ADGRL3: variants seen among roughly 807,000 people sequenced by gnomAD.
The protein encoded by ADGRL3 is adhesion G protein-coupled receptor L3.
ADGRL3 carries 62 observed loss-of-function variants against 153.5 expected under a neutral mutation model. The observed-to-expected ratio is 0.40, with a 90% CI of 0.33 to 0.50. ADGRL3 has a LOEUF of 0.50. ADGRL3 is among the 20% of genes least tolerant of loss of function. ADGRL3 has a pLI of 0.47. For missense variants in ADGRL3, 1,641 were observed against 1,859.4 expected (o/e 0.88, Z 2.16); for synonymous variants, 710 against 672.5 (o/e 1.06, Z -0.86).
intron 1 of ADGRL3, among the ~76,000 whole-genome samples, chr4:61,237,037 C>T (rs1753119976): frequency 6.6e-6 from 1 of 152,040 alleles, no homozygotes; most frequent in African/African-American, 2.4e-5. Context: ...TTTATTTACT[C>T]CTTCACAGTG....
rs1235845931 is a variant in ADGRL3 at position 62,077,226 on chromosome 4, A to G, written c.*6318A>G. On this transcript the variant is annotated 3_prime_UTR_variant, in exon 27 of 27. Transcript: ENST00000683033. The stretch of plus-strand genomic sequence containing the variant: ...GCAGACTTCTAACTATTTAATTTAA[A>G]CATTGCCATTCAGATTGAATAATTT... 2 of 151,936 alleles carry G rather than the reference A, an allele frequency of 1.3e-5. No individual in the cohort carries two copies. Among genetic ancestry groups the G allele is most frequent in the African/African-American group, 4.8e-5 (2 of 41,424 alleles). The allele number at this position is 151,936 out of a possible 1,614,324, so 9.4% of individuals were successfully genotyped here. A position where few individuals can be genotyped will look rare whatever the true frequency, so the allele number is the denominator to read the frequency against.
intron 3 of ADGRL3, among the ~76,000 whole-genome samples, chr4:61,507,948 A>C (rs1007352417): frequency 5.9e-5 from 9 of 152,220 alleles, no homozygotes; most frequent in Non-Finnish European, 1.0e-4. Flanking sequence ...CTGAAAGTAT[A>C]GTTGCCATAC....
At chr4:61,297,355 T>A (rs1004780685) in intron 1 of ADGRL3, among the ~76,000 whole-genome samples, 1 of 152,170 alleles carries the variant, frequency 6.6e-6, no homozygotes, top group African/African-American at 2.4e-5. Context: ...TTAGTTTGCA[T>A]GTGCCTCATA....
intron 1 of ADGRL3, among the ~76,000 whole-genome samples, chr4:61,262,718 T>C (rs753656354): frequency 1.3e-5 from 2 of 152,142 alleles, no homozygotes; most frequent in South Asian, 2.1e-4. Context: ...TGAGGACTTA[T>C]GCTCTCTCTC....
At chr4:61,728,495 C>A (rs1245100110) in intron 6 of ADGRL3, among the ~76,000 whole-genome samples, 3 of 151,996 alleles carry the variant, frequency 2.0e-5, no homozygotes, top group Non-Finnish European at 2.9e-5. Flanking sequence ...TGTTACATAG[C>A]CTGTCTTCTC....
At chr4:61,753,285 TTC>T (rs1242867322) in intron 8 of ADGRL3, among the ~76,000 whole-genome samples, 1 of 150,444 alleles carries the variant, frequency 6.6e-6, no homozygotes, top group African/African-American at 2.4e-5. Context: ...AAACTGTAAA[TTC>T]TGTTTTTGAT....
At chr4:61,782,807 A>G (rs970453872) in intron 8 of ADGRL3, among the ~76,000 whole-genome samples, 10 of 152,188 alleles carry the variant, frequency 6.6e-5, no homozygotes, top group African/African-American at 2.2e-4. Flanking sequence ...TACTGGAATT[A>G]TTTGAGCTTT....
intron 2 of ADGRL3, among the ~76,000 whole-genome samples, chr4:61,469,331 G>A (rs2097918422): frequency 6.6e-6 from 1 of 152,076 alleles, no homozygotes; most frequent in Non-Finnish European, 1.5e-5. Context: ...GAATTATTAT[G>A]AGTATTAAAT....
rs117426965 is a variant in ADGRL3, at chr4:61,333,499, G to A, written c.-239-49625G>A. On this transcript the variant is annotated intron_variant, in intron 1 of 26. Transcript: ENST00000683033. ...GTGTTGTATTTATTCTTCACATGTTGTTCAACACTTATTTAAATTTTTAGT... is the reference window on the plus strand; with the variant it reads ...GTGTTGTATTTATTCTTCACATGTTATTCAACACTTATTTAAATTTTTAGT... Among the ~76,000 whole-genome samples, 3 of 152,192 alleles carry A rather than the reference G, an allele frequency of 2.0e-5. No individual in the cohort carries two copies. In the East Asian group the frequency reaches 5.8e-4, roughly 29 times the overall value.
chr4:61,714,004 C>A (rs2096056519), intron 6 of ADGRL3, among the ~76,000 whole-genome samples: 2 of 152,106 alleles, frequency 1.3e-5, no homozygotes, highest in Admixed American at 1.3e-4. Flanking sequence ...GAATTAGCCA[C>A]AAGTTCTATC....
At position 61,871,074 on chromosome 4, in the gene ADGRL3, C is replaced by T. The variant is rs772720473; in HGVS notation, c.1481-21582C>T. Among the ~76,000 whole-genome samples the T allele has an allele frequency of 2.8e-4, 42 of 152,136 alleles. No homozygotes were observed. The South Asian group carries it at 3.5e-3, about 13-fold the overall frequency. ...CGGGCGAATCACGAGGTCAGGAGAT[C>T]GAGACCATCCTGGCTAACACGGTGA... is the stretch of plus-strand genomic sequence containing the variant. On this transcript the variant is annotated intron_variant, in intron 9 of 26. Coordinates refer to ENST00000683033, the MANE Select transcript of ADGRL3 (RefSeq NM_001387552.1).
chr4:61,620,610 T>C (rs148214692), intron 5 of ADGRL3, among the ~76,000 whole-genome samples: 1,889 of 150,364 alleles, frequency 0.013, 81 homozygotes, highest in Admixed American at 0.072. Flanking sequence ...ATCTGGTGTA[T>C]GGTATATATA....
intron 9 of ADGRL3, among the ~76,000 whole-genome samples, chr4:61,854,484 A>T (rs1214708966): frequency 1.3e-5 from 2 of 152,232 alleles, no homozygotes; most frequent in African/African-American, 4.8e-5. Flanking sequence ...TTATGCAAAA[A>T]TTAAATAATG....
chr4:61,431,308 C>T (rs904444862), intron 2 of ADGRL3, among the ~76,000 whole-genome samples: 6 of 152,198 alleles, frequency 3.9e-5, no homozygotes, highest in African/African-American at 1.4e-4. Context: ...TCAGGGCCAT[C>T]TGGCAGCAGC....
At chr4:61,924,957 T>G (rs2098788230) in intron 13 of ADGRL3, among the ~76,000 whole-genome samples, 1 of 152,196 alleles carries the variant, frequency 6.6e-6, no homozygotes, top group Non-Finnish European at 1.5e-5. Context: ...GATCATTTTT[T>G]CTCTGCTTTG....
chr4:61,313,145 A>T (rs914016891), intron 1 of ADGRL3, among the ~76,000 whole-genome samples: 1 of 152,190 alleles, frequency 6.6e-6, no homozygotes, highest in African/African-American at 2.4e-5. Context: ...GAAAAACCCC[A>T]GTCTGATTCC....
At chr4:62,035,940 C>A (rs1178496072) in intron 23 of ADGRL3, among the ~76,000 whole-genome samples, 3 of 152,052 alleles carry the variant, frequency 2.0e-5, no homozygotes, top group African/African-American at 7.2e-5. Flanking sequence ...ATTCCTGACA[C>A]ATAATAGTTA....
rs941044578 is a variant in ADGRL3, at chr4:61,261,833, T to C, written c.-240+60068T>C. Among the ~76,000 whole-genome samples the C allele has an allele frequency of 3.3e-5, 5 of 152,176 alleles. No individual in the cohort carries two copies. The East Asian group carries it at 7.7e-4, about 23-fold the overall frequency. Reference sequence around the variant, plus strand: ...ATCTAAATTGACCTCTGAAAAATGCTAGGATTTGCCATGAAAAGAGTGAGG... The same window carrying C: ...ATCTAAATTGACCTCTGAAAAATGCCAGGATTTGCCATGAAAAGAGTGAGG... On this transcript the variant is annotated intron_variant, in intron 1 of 26. Coordinates refer to ENST00000683033, the MANE Select transcript of ADGRL3 (RefSeq NM_001387552.1).
In ADGRL3 at chr4:61,379,487, A is replaced by C. The variant is rs2096642436; in HGVS notation, c.-239-3637A>C. ...GATACTCCATCATAAAAATTTCTCT[A>C]ACTCGTTGTATTGTTTTTTAAGTCT... On this transcript the variant is annotated intron_variant, in intron 1 of 26. Transcript: ENST00000683033. Among the ~76,000 whole-genome samples, 6 of 152,056 alleles carry C rather than the reference A, an allele frequency of 3.9e-5. No individual in the cohort carries two copies. The South Asian group carries it at 1.2e-3, about 31-fold the overall frequency.
Sources: allele counts gnomAD v4.1 joint callset (sites outside exome capture counted in the v4.1 genomes callset), GRCh38; gene constraint gnomAD v4.1.1; transcripts MANE v1.5; gene names NCBI Gene and HGNC (gene_info 2026-07-23, HGNC 2026-07-21).